Variants in SAMD4A observed in about 807,000 individuals in gnomAD.
SAMD4A encodes protein Smaug homolog 1.
A neutral mutation model predicts 81.3 loss-of-function variants in SAMD4A; 33 were observed. The observed-to-expected ratio is 0.41, with a 90% CI of 0.31 to 0.54. SAMD4A has a LOEUF of 0.54. SAMD4A is among the 20% of genes least tolerant of loss of function. The pLI is 0.37. For missense variants in SAMD4A, 854 were observed against 951.1 expected, an observed-to-expected ratio of 0.90 and a Z score of 1.34; for synonymous variants, 389 against 382.1, an observed-to-expected ratio of 1.02 and a Z score of -0.21.
intron 2 of SAMD4A, among the ~76,000 whole-genome samples, chr14:54,698,675 C>T (rs1368129918): frequency 6.6e-6 from 1 of 152,186 alleles, no homozygotes; most frequent in East Asian, 1.9e-4. Flanking sequence ...TGTAGTTAGC[C>T]CTCAGAGAGC....
intron 2 of SAMD4A, among the ~76,000 whole-genome samples, chr14:54,618,605 G>A (rs2034544927): frequency 6.6e-6 from 1 of 152,174 alleles, no homozygotes; most frequent in Admixed American, 6.5e-5. Context: ...ATGTCTTTGA[G>A]TATATTTTAC....
chr14:54,662,262 C>A (rs1028161543), intron 2 of SAMD4A, among the ~76,000 whole-genome samples: 2 of 152,158 alleles, frequency 1.3e-5, no homozygotes, highest in Admixed American at 1.3e-4. Context: ...ATATTTTGCT[C>A]CATTTAGATG....
intron 11 of SAMD4A, among the ~76,000 whole-genome samples, chr14:54,778,593 C>T (rs375451589): frequency 2.0e-5 from 3 of 152,352 alleles, no homozygotes; most frequent in East Asian, 3.9e-4. Context: ...GCACACTGGA[C>T]TTAAAACTCT....
chr14:54,595,468 A>G (rs1384578096), intron 2 of SAMD4A, among the ~76,000 whole-genome samples: 1 of 149,314 alleles, frequency 6.7e-6, no homozygotes, highest in Non-Finnish European at 1.5e-5. Context: ...GTATGTATAT[A>G]TATGTTGAAT....
At chr14:54,766,279 A>G (rs2038540886) in intron 8 of SAMD4A, among the ~76,000 whole-genome samples, 1 of 152,194 alleles carries the variant, frequency 6.6e-6, no homozygotes, top group Admixed American at 6.5e-5. Flanking sequence ...AAGCAAGAAC[A>G]CAGTGAAGAA....
intron 2 of SAMD4A, among the ~76,000 whole-genome samples, chr14:54,678,431 ATTTGTGTG>A (rs1266203425): frequency 5.2e-5 from 4 of 77,358 alleles, no homozygotes; most frequent in African/African-American, 2.0e-4. Context: ...GGCAGTCACC[ATTTGTGTG>A]TGTGTGTGTG....
intron 3 of SAMD4A, among the ~76,000 whole-genome samples, chr14:54,720,577 AT>A (rs1187097237): frequency 6.6e-6 from 1 of 152,102 alleles, no homozygotes; most frequent in Non-Finnish European, 1.5e-5. Flanking sequence ...CTCCTGAGGG[AT>A]ATAAGCCTTA....
Position 54,637,365 on chromosome 14 carries a change from C to CAAAAA in SAMD4A, c.197-64679_197-64675dup, listed in dbSNP as rs1172084217. ...GGGCAACAAGAGCGAAACTCCATCTCAAAAAAAAAAAAAAAAAAAAAAGAG... is the reference window on the plus strand; with the variant it reads ...GGGCAACAAGAGCGAAACTCCATCTCAAAAAAAAAAAAAAAAAAAAAAAAAAAGAG... On this transcript the variant is annotated intron_variant, in intron 2 of 12. Coordinates refer to ENST00000554335, the MANE Select transcript of SAMD4A (RefSeq NM_015589.6). Among the ~76,000 whole-genome samples, 82 of 63,752 alleles carry CAAAAA rather than the reference C, an allele frequency of 1.3e-3. 2 individuals carry two copies. Among genetic ancestry groups the CAAAAA allele is most frequent in the African/African-American group, 3.6e-3 (51 of 14,200 alleles). 41.8% of individuals were successfully genotyped at this position (63,752 alleles called of 152,430 possible).
At chr14:54,581,905 C>T (rs183107234) in intron 2 of SAMD4A, among the ~76,000 whole-genome samples, 6 of 152,322 alleles carry the variant, frequency 3.9e-5, no homozygotes, top group Non-Finnish European at 7.3e-5. Context: ...AATATTATTT[C>T]CACTTTTACC....
chr14:54,656,741 C>T (rs1415052632), intron 2 of SAMD4A, among the ~76,000 whole-genome samples: 5 of 152,106 alleles, frequency 3.3e-5, no homozygotes, highest in Non-Finnish European at 2.9e-5. Flanking sequence ...CATTCTCCTG[C>T]CTCAGCCTCC....
intron 2 of SAMD4A, among the ~76,000 whole-genome samples, chr14:54,582,561 C>T (rs183895778): frequency 2.8e-4 from 42 of 152,226 alleles, no homozygotes; most frequent in Admixed American, 2.6e-3. Flanking sequence ...GGTGAGGTGA[C>T]GGCATGCCCT....
At chr14:54,662,659 C>CT (rs1165717400) in intron 2 of SAMD4A, among the ~76,000 whole-genome samples, 2 of 152,066 alleles carry the variant, frequency 1.3e-5, no homozygotes, top group African/African-American at 4.8e-5. Context: ...AAGTGATCTA[C>CT]TTGCCTCCGC....
chr14:54,733,339 G>A (rs563484523), intron 3 of SAMD4A, among the ~76,000 whole-genome samples: 1 of 145,468 alleles, frequency 6.9e-6, no homozygotes, highest in South Asian at 2.2e-4. Context: ...GCATATATAT[G>A]TGTATATACG....
intron 2 of SAMD4A, among the ~76,000 whole-genome samples, chr14:54,598,812 C>A (rs1315764208): frequency 6.6e-6 from 1 of 151,990 alleles, no homozygotes; most frequent in African/African-American, 2.4e-5. Context: ...TCTCCCCTCC[C>A]CTCCCCTCCC....
intron 2 of SAMD4A, among the ~76,000 whole-genome samples, chr14:54,605,483 C>G (rs1308784257): frequency 6.6e-6 from 1 of 152,068 alleles, no homozygotes; most frequent in Non-Finnish European, 1.5e-5. Flanking sequence ...TGGTGAAAAG[C>G]AAAGTTTTGG....
intron 2 of SAMD4A, among the ~76,000 whole-genome samples, chr14:54,667,805 C>T (rs1474901880): frequency 6.6e-6 from 1 of 152,230 alleles, no homozygotes; most frequent in African/African-American, 2.4e-5. Flanking sequence ...ACACACCATG[C>T]ATTCATGCTT....
intron 2 of SAMD4A, among the ~76,000 whole-genome samples, chr14:54,686,970 T>A (rs1429894488): frequency 6.6e-6 from 1 of 152,208 alleles, no homozygotes; most frequent in African/African-American, 2.4e-5. Flanking sequence ...TTCCAATCTT[T>A]GTGCTTTCCG....
intron 3 of SAMD4A, among the ~76,000 whole-genome samples, chr14:54,731,757 A>C (rs565968474): frequency 3.0e-4 from 46 of 152,320 alleles, no homozygotes; most frequent in Admixed American, 2.8e-3. Context: ...ATGTGGCTGG[A>C]CTCATAGGGC....
In SAMD4A at chr14:54,760,354, C is replaced by G; in HGVS notation, c.1370C>G (p.Thr457Ser). 2 of 1,585,656 alleles carry G rather than the reference C, an allele frequency of 1.3e-6. No homozygotes were observed. The highest frequency in any genetic ancestry group is 2.3e-5 in the East Asian group (1 of 43,354). Residue 457 changes from threonine to serine, a missense_variant, in exon 7 of 13, where the codon ACT (threonine) becomes AGT (serine). This residue lies in a region of SAMD4A where 428 missense variants were observed against 471.2 expected (regional missense o/e 0.91). Transcript: ENST00000554335. Reference protein sequence around the residue: ...SPDCKDGAAATGATATPSAGA... With the variant: ...SPDCKDGAAASGATATPSAGA... ...GACTGCAAAGATGGGGCCGCAGCCA[C>G]TGGCGCCACGGCCACCCCCTCGGCC...
Sources: allele counts gnomAD v4.1 joint callset (sites outside exome capture counted in the v4.1 genomes callset), GRCh38; gene constraint gnomAD v4.1.1; regional missense constraint gnomAD v4.1.1; transcripts MANE v1.5; gene names NCBI Gene and HGNC (gene_info 2026-07-23, HGNC 2026-07-21).